The following SINHCAF variants were observed in gnomAD, a reference collection of about 807,000 sequenced individuals.
SINHCAF encodes SIN3-HDAC complex associated factor.
In SINHCAF, 3 loss-of-function variants were observed where a neutral mutation model predicts 25.8. The observed-to-expected ratio is 0.12, with a 90% confidence interval of 0.05 to 0.30. SINHCAF has a LOEUF of 0.30. Ranked by LOEUF, SINHCAF falls within the 10% of genes least tolerant of loss-of-function variation. The probability of loss-of-function intolerance (pLI) is 1.00; values close to 1 mark genes in which losing one functional copy is unlikely to be tolerated. For missense variants in SINHCAF, 121 were observed against 262.3 expected, an observed-to-expected ratio of 0.46 and a Z score of 3.72; for synonymous variants, 70 against 85.5, an observed-to-expected ratio of 0.82 and a Z score of 1.00.
intron 1 of SINHCAF, among the ~76,000 whole-genome samples, chr12:31,317,965 A>G (rs1215354441): frequency 6.6e-6 from 1 of 152,238 alleles, no homozygotes; most frequent in Non-Finnish European, 1.5e-5. Flanking sequence ...AATCATGATG[A>G]TGGGAAAGGA....
intron 1 of SINHCAF, among the ~76,000 whole-genome samples, chr12:31,314,622 G>C (rs1592987586): frequency 1.3e-5 from 2 of 152,028 alleles, no homozygotes; most frequent in Admixed American, 1.3e-4. Flanking sequence ...TAATAGGAGA[G>C]TATATTTGAG....
At chr12:31,293,303 T>C (rs2137083328) in intron 4 of SINHCAF, among the ~76,000 whole-genome samples, 1 of 152,296 alleles carries the variant, frequency 6.6e-6, no homozygotes, top group East Asian at 1.9e-4. Flanking sequence ...CATTAATTAA[T>C]TAGACATTCC....
At chr12:31,285,484 T>C in intron 5 of SINHCAF, among the ~76,000 whole-genome samples, 1 of 150,932 alleles carries the variant, frequency 6.6e-6, no homozygotes, top group East Asian at 1.9e-4. Flanking sequence ...CAATATTGTA[T>C]GATTTTTACA....
chr12:31,307,296 G>C (rs1939068934), intron 1 of SINHCAF, among the ~76,000 whole-genome samples: 1 of 152,138 alleles, frequency 6.6e-6, no homozygotes, highest in Non-Finnish European at 1.5e-5. Flanking sequence ...GCTTAAAAAG[G>C]CACTAGAGAT....
At position 31,281,852 on chromosome 12, in the gene SINHCAF, T is replaced by G. The variant is rs1355274273; in HGVS notation, c.*860A>C. The G allele has an allele frequency of 6.6e-6, 1 of 152,202 alleles. No homozygotes were observed. Among genetic ancestry groups the G allele is most frequent in the Non-Finnish European group, 1.5e-5 (1 of 68,038 alleles). The allele number at this position is 152,202 out of a possible 1,614,324, so 9.4% of individuals were successfully genotyped here. On this transcript the variant is annotated 3_prime_UTR_variant, in exon 6 of 6. Coordinates refer to ENST00000337682, the MANE Select transcript of SINHCAF (RefSeq NM_001135812.2). ...GAGGCACAGGATGCAACATATATAG[T>G]CAAGTTACCTCTCTGTATATTTAGA...
At chr12:31,312,016 G>T in intron 1 of SINHCAF, 1 of 683,732 alleles carries the variant, frequency 1.5e-6, no homozygotes, top group South Asian at 1.4e-5. Flanking sequence ...GCTGGCAAAG[G>T]AGAAGTAACT....
At chr12:31,292,809 G>A (rs569371867) in intron 4 of SINHCAF, among the ~76,000 whole-genome samples, 48 of 152,184 alleles carry the variant, frequency 3.2e-4, no homozygotes, top group African/African-American at 9.4e-4. Flanking sequence ...TCACTTTACC[G>A]TCACTAAACT....
rs1937800442 is a variant in SINHCAF at position 31,281,662 on chromosome 12, T to C, written c.*1050A>G. On this transcript the variant is annotated 3_prime_UTR_variant, in exon 6 of 6. Transcript: ENST00000337682. ...TGCACATTTTATTTTTCAGATAGCT[T>C]AACATTTTTAATCGAGTGTGTTCTC... 6.6e-6 allele frequency: 1 copy of C among 152,236 alleles called. No individual in the cohort carries two copies. Among genetic ancestry groups the C allele is most frequent in the South Asian group, 2.1e-4 (1 of 4,832 alleles). The allele number at this position is 152,236 out of a possible 1,614,324, so 9.4% of individuals were successfully genotyped here. A position where few individuals can be genotyped will look rare whatever the true frequency, so the allele number is the denominator to read the frequency against.
In SINHCAF at chr12:31,324,622, C is replaced by G. The variant is rs887771127; in HGVS notation, c.-21+1402G>C. On this transcript the variant is annotated intron_variant, in intron 1 of 5. Transcript: ENST00000337682. The surrounding 1 kb of genome is among the most constrained non-coding windows in gnomAD (Gnocchi z 5.5). ...CCTACGCCCAGGCGGCGGCCCCGAG[C>G]GCCGGGGGCCCGCACGGGCACATGC... 7 of 259,598 alleles carry G rather than the reference C, an allele frequency of 2.7e-5. No homozygotes were observed. Among genetic ancestry groups the G allele is most frequent in the Non-Finnish European group, 4.6e-5 (6 of 129,042 alleles). The allele number at this position is 259,598 out of a possible 1,614,324, so 16.1% of individuals were successfully genotyped here.
At chr12:31,295,652 T>C (rs1938517146) in intron 2 of SINHCAF, among the ~76,000 whole-genome samples, 1 of 152,102 alleles carries the variant, frequency 6.6e-6, no homozygotes, top group South Asian at 2.1e-4. Flanking sequence ...GGTGGATCAC[T>C]TGAGGTCAGG....
At chr12:31,311,994 C>A in intron 1 of SINHCAF, 1 of 708,382 alleles carries the variant, frequency 1.4e-6, no homozygotes, top group Non-Finnish European at 2.4e-6. Context: ...TTTCAGCTAG[C>A]TGTTTGACAA....
chr12:31,322,350 A>G (rs1447748983), intron 1 of SINHCAF, among the ~76,000 whole-genome samples: 1 of 152,210 alleles, frequency 6.6e-6, no homozygotes, highest in South Asian at 2.1e-4. Context: ...AACTCAAACA[A>G]TCTCAGCGTA....
intron 4 of SINHCAF, among the ~76,000 whole-genome samples, chr12:31,293,493 A>T (rs1306567259): frequency 6.6e-6 from 1 of 152,168 alleles, no homozygotes; most frequent in African/African-American, 2.4e-5. Flanking sequence ...CAATTTCCTT[A>T]TGGATAAAAA....
intron 1 of SINHCAF, chr12:31,302,945 A>G (rs530759464): frequency 1.0e-6 from 1 of 985,426 alleles, no homozygotes; most frequent in Admixed American, 6.1e-5. Flanking sequence ...TATTACCCAT[A>G]TGTCCAAACT....
At position 31,314,596 on chromosome 12, in the gene SINHCAF, G is replaced by T. The variant is rs112826104; in HGVS notation, c.-21+11428C>A. On this transcript the variant is annotated intron_variant, in intron 1 of 5. Coordinates refer to ENST00000337682, the MANE Select transcript of SINHCAF (RefSeq NM_001135812.2). The stretch of plus-strand genomic sequence containing the variant: ...AGGAGGCCCAAAGAGAGGTACTTCT[G>T]AAGATTTTTTTTTTTTAATAGGAGA... 2.7e-3 allele frequency among the ~76,000 whole-genome samples: 407 copies of T among 151,790 alleles called. 3 individuals carry two copies. Among genetic ancestry groups the T allele is most frequent in the African/African-American group, 8.7e-3 (357 of 41,252 alleles).
At position 31,316,385 on chromosome 12, in the gene SINHCAF, G is replaced by A. The variant is rs114604668; in HGVS notation, c.-21+9639C>T. ...ACATCTGTTTTGGCTGATTTGTAGGGTTTTCTTCTACTTTAAAGCTGTGGG... is the reference window on the plus strand; with the variant it reads ...ACATCTGTTTTGGCTGATTTGTAGGATTTTCTTCTACTTTAAAGCTGTGGG... On this transcript the variant is annotated intron_variant, in intron 1 of 5. Transcript: ENST00000337682. 2.7e-3 allele frequency among the ~76,000 whole-genome samples: 411 copies of A among 152,200 alleles called. 2 individuals carry two copies. The highest frequency in any genetic ancestry group is 9.3e-3 in the African/African-American group (385 of 41,540).
intron 1 of SINHCAF, among the ~76,000 whole-genome samples, chr12:31,300,850 A>G (rs1232360575): frequency 6.6e-6 from 1 of 151,900 alleles, no homozygotes; most frequent in Non-Finnish European, 1.5e-5. Flanking sequence ...TTCCTCTAAT[A>G]CTCTCCAACT....
intron 4 of SINHCAF, among the ~76,000 whole-genome samples, chr12:31,293,030 G>A (rs1179415273): frequency 1.3e-5 from 2 of 152,126 alleles, no homozygotes; most frequent in African/African-American, 2.4e-5. Flanking sequence ...CCTAAACTAT[G>A]ACTATAAGCA....
chr12:31,290,019 A>C (rs780433088), intron 4 of SINHCAF, among the ~76,000 whole-genome samples: 1 of 152,010 alleles, frequency 6.6e-6, no homozygotes, highest in Non-Finnish European at 1.5e-5. Context: ...AGCAGAGACA[A>C]GGTCTCGTTA....
Sources: gnomAD v4.1 joint callset for allele counts (sites outside exome capture counted in the v4.1 genomes callset) on GRCh38, gnomAD v4.1.1 for gene constraint, Gnocchi (gnomAD v3.1) non-coding constraint, MANE v1.5 for transcripts, NCBI Gene and HGNC (gene_info 2026-07-23, HGNC 2026-07-21) for gene names.